G2E3: variants seen among roughly 807,000 people sequenced by gnomAD.
G2E3 encodes the protein G2/M phase-specific E3 ubiquitin-protein ligase.
Under a neutral mutation model 92.8 loss-of-function variants are expected in G2E3, and 35 were observed. That is an observed-to-expected ratio of 0.38 (90% CI 0.29 to 0.50). The LOEUF (loss-of-function observed/expected upper bound fraction) is 0.50. Among genes scored for constraint, G2E3 ranks in the 20% least tolerant of loss-of-function variants. G2E3 has a pLI of 0.94. For synonymous variants in G2E3, 242 were observed against 272.4 expected, an observed-to-expected ratio of 0.89 and a Z score of 1.10; for missense variants, 554 against 823.8, an observed-to-expected ratio of 0.67 and a Z score of 4.01.
intron 1 of G2E3, among the ~76,000 whole-genome samples, chr14:30,570,825 C>T (rs1260287696): frequency 1.3e-5 from 2 of 152,030 alleles, no homozygotes; most frequent in African/African-American, 4.8e-5. Context: ...TGGATGTGTT[C>T]TGTATTACTA....
At chr14:30,566,495 T>C (rs1196638446) in intron 1 of G2E3, among the ~76,000 whole-genome samples, 1 of 152,240 alleles carries the variant, frequency 6.6e-6, no homozygotes, top group African/African-American at 2.4e-5. Flanking sequence ...ATTTTTATGC[T>C]ATTGTAAATG....
intron 2 of G2E3, among the ~76,000 whole-genome samples, chr14:30,586,048 A>G (rs1566536078): frequency 6.6e-6 from 1 of 152,118 alleles, no homozygotes; most frequent in Non-Finnish European, 1.5e-5. Flanking sequence ...CCCTTGTCCT[A>G]GGCTGCTACA....
At chr14:30,577,477 T>C (rs1365350059) in intron 1 of G2E3, among the ~76,000 whole-genome samples, 1 of 152,224 alleles carries the variant, frequency 6.6e-6, no homozygotes, top group Non-Finnish European at 1.5e-5. Context: ...GGGTCTTGTA[T>C]GAAGTTGCTC....
intron 6 of G2E3, among the ~76,000 whole-genome samples, chr14:30,596,817 T>G (rs1036246866): frequency 6.6e-6 from 1 of 152,224 alleles, no homozygotes; most frequent in Non-Finnish European, 1.5e-5. Flanking sequence ...TTGGCATCTA[T>G]AAAGCAGGAG....
chr14:30,563,900 G>T (rs553483080), intron 1 of G2E3, among the ~76,000 whole-genome samples: 1 of 152,024 alleles, frequency 6.6e-6, no homozygotes, highest in South Asian at 2.1e-4. Flanking sequence ...TGTGATTTTA[G>T]TAGAGACAGG....
chr14:30,581,064 T>G lies in G2E3; in HGVS notation c.-4-12T>G. 1 of 1,388,000 alleles carries G rather than the reference T, an allele frequency of 7.2e-7. No homozygotes were observed. Among genetic ancestry groups the G allele is most frequent in the Non-Finnish European group, 1.0e-6 (1 of 976,090 alleles). The allele number at this position is 1,388,000 out of a possible 1,614,324, so 86.0% of individuals were successfully genotyped here. A position where few individuals can be genotyped will look rare whatever the true frequency, so the allele number is the denominator to read the frequency against. ...ACAATTAAGATGACTGTATTAATGTTATTTTTCCTAGTAAAATGAATGAAA... is the reference window on the plus strand; with the variant it reads ...ACAATTAAGATGACTGTATTAATGTGATTTTTCCTAGTAAAATGAATGAAA... On this transcript the variant is annotated splice_polypyrimidine_tract_variant and intron_variant, in intron 1 of 14. Transcript: ENST00000206595.
intron 2 of G2E3, among the ~76,000 whole-genome samples, chr14:30,584,492 A>C (rs1191344676): frequency 6.6e-6 from 1 of 152,212 alleles, no homozygotes. Context: ...TATTTCTACC[A>C]GCAGTGTGTG....
chr14:30,605,873 T>C, intron 11 of G2E3, 61 bp downstream of exon 11: 1 of 841,760 alleles, frequency 1.2e-6, no homozygotes. Flanking sequence ...AAGAGATAGA[T>C]AGCTGGTTAG....
intron 1 of G2E3, chr14:30,577,621 A>T (rs1197842863): frequency 6.6e-6 from 1 of 152,212 alleles, no homozygotes; most frequent in African/African-American, 2.4e-5. Context: ...TCCATGGTGT[A>T]TGTTGAAAAT....
intron 1 of G2E3, among the ~76,000 whole-genome samples, chr14:30,575,124 G>A (rs1241032368): frequency 6.6e-6 from 1 of 152,118 alleles, no homozygotes; most frequent in South Asian, 2.1e-4. Context: ...ATTCTGACTG[G>A]TGTGAGATGG....
intron 1 of G2E3, among the ~76,000 whole-genome samples, chr14:30,568,247 A>G (rs1156492587): frequency 1.3e-5 from 2 of 152,054 alleles, no homozygotes; most frequent in Non-Finnish European, 1.5e-5. Context: ...ACTTTTGATT[A>G]CTGTTTGTAT....
At chr14:30,562,514 C>T (rs539322536) in intron 1 of G2E3, among the ~76,000 whole-genome samples, 8 of 152,250 alleles carry the variant, frequency 5.3e-5, no homozygotes, top group African/African-American at 4.8e-5. Context: ...TCTGGGAAGA[C>T]GCCCGTTGCC....
rs758585928 is a variant in G2E3, at chr14:30,598,538, G to A, written c.691G>A (p.Glu231Lys). ...NAYQELLQHY[E>K]RCDVRRCRCK... ...TTATCAAGAGCTTCTGCAGCACTAT[G>A]AGCGTTGTGATGTTCGAAGATGTCG... is the stretch of plus-strand genomic sequence containing the variant. Residue 231 changes from glutamate to lysine, a missense_variant, in exon 8 of 15, where the codon GAG (glutamate) becomes AAG (lysine). Physicochemically the swap from Glu to Lys is moderately conservative, Grantham distance 56. This residue lies in a region of G2E3 where 397 missense variants were observed against 560.3 expected (regional missense o/e 0.71). Coordinates refer to ENST00000206595, the MANE Select transcript of G2E3 (RefSeq NM_017769.5). 6.2e-7 allele frequency: 1 copy of A among 1,613,964 alleles called. No homozygotes were observed.
At chr14:30,572,012 C>T (rs1343784806) in intron 1 of G2E3, among the ~76,000 whole-genome samples, 3 of 150,540 alleles carry the variant, frequency 2.0e-5, no homozygotes, top group South Asian at 2.1e-4. Flanking sequence ...AACAATATTA[C>T]GCCCATGAGC....
chr14:30,614,103 T>G (rs571220884), intron 13 of G2E3, among the ~76,000 whole-genome samples: 1 of 152,182 alleles, frequency 6.6e-6, no homozygotes, highest in Non-Finnish European at 1.5e-5. Context: ...AAGAATATAT[T>G]GAAAGTATAT....
At chr14:30,565,528 A>G (rs1270534392) in intron 1 of G2E3, among the ~76,000 whole-genome samples, 5 of 151,478 alleles carry the variant, frequency 3.3e-5, no homozygotes, top group South Asian at 4.2e-4. Context: ...ATACAAGGTC[A>G]TGAAAATTTA....
intron 5 of G2E3, among the ~76,000 whole-genome samples, chr14:30,592,896 C>G (rs1167017312): frequency 1.3e-5 from 2 of 151,998 alleles, no homozygotes; most frequent in East Asian, 3.8e-4. Context: ...ATATTTGCTT[C>G]CTGAGTACAA....
chr14:30,562,700 C>T (rs941999640), intron 1 of G2E3, among the ~76,000 whole-genome samples: 1 of 152,154 alleles, frequency 6.6e-6, no homozygotes, highest in Non-Finnish European at 1.5e-5. Flanking sequence ...GGAGGCCTAA[C>T]CGTCTCCCTG....
At chr14:30,610,704 ACTT>A (rs1178795354) in intron 12 of G2E3, among the ~76,000 whole-genome samples, 2 of 152,350 alleles carry the variant, frequency 1.3e-5, no homozygotes, top group Non-Finnish European at 2.9e-5. Context: ...TTTAGGCTAA[ACTT>A]CTGTATCTCA....
Sources: allele counts gnomAD v4.1 joint callset (sites outside exome capture counted in the v4.1 genomes callset), GRCh38; gene constraint gnomAD v4.1.1; regional missense constraint gnomAD v4.1.1; transcripts MANE v1.5; gene names NCBI Gene and HGNC (gene_info 2026-07-23, HGNC 2026-07-21).